CYTIP: variants seen among roughly 807,000 people sequenced by gnomAD.
The protein encoded by CYTIP is cytohesin-interacting protein.
In CYTIP, 26 loss-of-function variants were observed where a neutral mutation model predicts 43.8. The ratio of observed to expected loss-of-function variants is 0.59; its 90% CI spans 0.44 to 0.82. The LOEUF (loss-of-function observed/expected upper bound fraction) is 0.82. CYTIP is among the 40% of genes least tolerant of loss of function. The pLI is 0.00. For missense variants in CYTIP, 426 were observed against 443.1 expected (o/e 0.96, Z 0.35); for synonymous variants, 162 against 162.9 (o/e 0.99, Z 0.04).
intron 7 of CYTIP, 63 bp from the exon 8 acceptor site, chr2:157,416,206 C>T: frequency 7.7e-7 from 1 of 1,304,322 alleles, no homozygotes; most frequent in Admixed American, 2.4e-5. Context: ...AAATACACTA[C>T]ATCAAAACTT....
At chr2:157,441,887 T>G (rs1371884426) in intron 1 of CYTIP, among the ~76,000 whole-genome samples, 1 of 152,212 alleles carries the variant, frequency 6.6e-6, no homozygotes, top group Non-Finnish European at 1.5e-5. Context: ...ACTACATTTC[T>G]ACAATAAGGT....
In CYTIP at chr2:157,414,903, A is replaced by G. The variant is rs1033072888; in HGVS notation, c.*774T>C. The G allele has an allele frequency of 1.3e-5, 2 of 152,216 alleles. No homozygotes were observed. The highest frequency in any genetic ancestry group is 2.4e-5 in the African/African-American group (1 of 41,458). 9.4% of individuals were successfully genotyped at this position (152,216 alleles called of 1,614,324 possible). On this transcript the variant is annotated 3_prime_UTR_variant, in exon 8 of 8. Coordinates refer to ENST00000264192, the MANE Select transcript of CYTIP (RefSeq NM_004288.5). Reference sequence around the variant, plus strand: ...CAACCCTCAGTTTTGGATGTTAGACATTTGTAGAAAAAAAATTACAAAGCT... The same window carrying G: ...CAACCCTCAGTTTTGGATGTTAGACGTTTGTAGAAAAAAAATTACAAAGCT...
chr2:157,424,950 A>T (rs1418717476), intron 6 of CYTIP, among the ~76,000 whole-genome samples: 1 of 152,130 alleles, frequency 6.6e-6, no homozygotes, highest in African/African-American at 2.4e-5. Context: ...GGAAAGGGGG[A>T]CTACAAAATA....
At chr2:157,426,978 A>G (rs1206998671) in intron 6 of CYTIP, among the ~76,000 whole-genome samples, 1 of 152,208 alleles carries the variant, frequency 6.6e-6, no homozygotes, top group African/African-American at 2.4e-5. Context: ...GAGGACACGG[A>G]AAAAGTGAAA....
intron 1 of CYTIP, chr2:157,439,312 A>T (rs1419026847): frequency 6.6e-6 from 1 of 152,406 alleles, no homozygotes; most frequent in Non-Finnish European, 1.5e-5. Flanking sequence ...TCTTGACACA[A>T]AGCCTGCTTG....
At chr2:157,425,512 A>G (rs764313955) in intron 6 of CYTIP, among the ~76,000 whole-genome samples, 1 of 152,162 alleles carries the variant, frequency 6.6e-6, no homozygotes, top group Non-Finnish European at 1.5e-5. Context: ...TAAACATTGT[A>G]TGGTGCTCAT....
At chr2:157,434,769 T>C (rs1294095006) in intron 1 of CYTIP, 22 bp from the exon 2 acceptor site, 15 of 1,599,676 alleles carry the variant, frequency 9.4e-6, no homozygotes, top group Non-Finnish European at 1.3e-5. Flanking sequence ...AAAAGACATA[T>C]AGTTATCCCA....
intron 1 of CYTIP, among the ~76,000 whole-genome samples, chr2:157,440,059 A>G (rs1469946848): frequency 6.6e-6 from 1 of 152,132 alleles, no homozygotes; most frequent in Admixed American, 6.5e-5. Context: ...CCCACTCTAT[A>G]TACTCATCTC....
rs1685414012 is a variant in CYTIP, at chr2:157,414,839, A to T, written c.*838T>A. ...TTAGAATATAAGATATAAAGTGAGAAGTAATATGAAAAAAACTACAGGAGG... is the reference window on the plus strand; with the variant it reads ...TTAGAATATAAGATATAAAGTGAGATGTAATATGAAAAAAACTACAGGAGG... On this transcript the variant is annotated 3_prime_UTR_variant, in exon 8 of 8. Transcript: ENST00000264192. 6.6e-6 allele frequency: 1 copy of T among 152,212 alleles called. No individual in the cohort carries two copies. The highest frequency in any genetic ancestry group is 1.5e-5 in the Non-Finnish European group (1 of 68,032). 9.4% of individuals were successfully genotyped at this position (152,212 alleles called of 1,614,324 possible).
intron 3 of CYTIP, 52 bp downstream of exon 3, chr2:157,434,318 T>A: frequency 7.3e-7 from 1 of 1,367,476 alleles, no homozygotes; most frequent in Non-Finnish European, 1.0e-6. Context: ...AACATGACAC[T>A]ACCGGTGCCA....
At position 157,427,337 on chromosome 2, in the gene CYTIP, T is replaced by C. The variant is rs776484414; in HGVS notation, c.546+14A>G. The C allele has an allele frequency of 8.8e-6, 14 of 1,599,282 alleles. No individual in the cohort carries two copies. The highest frequency in any genetic ancestry group is 1.2e-5 in the Non-Finnish European group (14 of 1,173,684). ...AGGATGAAAAATGTGCCTCACTGCATTAAATTAAATTACCTTTAAAACCTG... is the reference window on the plus strand; with the variant it reads ...AGGATGAAAAATGTGCCTCACTGCACTAAATTAAATTACCTTTAAAACCTG... On this transcript the variant is annotated intron_variant, in intron 6 of 7. Coordinates refer to ENST00000264192, the MANE Select transcript of CYTIP (RefSeq NM_004288.5).
chr2:157,415,808 A>G lies in CYTIP; in HGVS notation c.949T>C (p.Trp317Arg). Residue 317 changes from tryptophan (W) to arginine (R), a missense_variant, in exon 8 of 8, where the codon TGG (tryptophan) becomes CGG (arginine). Transcript: ENST00000264192. ...NTSSGSMSPLWEGNLSSMFGT... is the reference protein window; with the variant it reads ...NTSSGSMSPLREGNLSSMFGT... ...AACATGCTTGATAAGTTGCCCTCCC[A>G]CAAGGGAGACATGGATCCGCTGCTG... 6.2e-7 allele frequency: 1 copy of G among 1,614,172 alleles called. No homozygotes were observed. The highest frequency in any genetic ancestry group is 8.5e-7 in the Non-Finnish European group (1 of 1,180,016).
chr2:157,438,147 G>T (rs1299386022), intron 1 of CYTIP, among the ~76,000 whole-genome samples: 3 of 152,128 alleles, frequency 2.0e-5, no homozygotes, highest in Non-Finnish European at 4.4e-5. Flanking sequence ...CAGATGAATG[G>T]ATAAAGAAAA....
chr2:157,434,618 G>GA, intron 2 of CYTIP, 80 bp downstream of exon 2: 2 of 1,001,990 alleles, frequency 2.0e-6, no homozygotes, highest in South Asian at 1.4e-5. Context: ...AGAGAGAGAG[G>GA]AAGAGAGAGG....
intron 7 of CYTIP, among the ~76,000 whole-genome samples, chr2:157,417,435 T>G (rs774883025): frequency 2.0e-5 from 3 of 152,202 alleles, no homozygotes; most frequent in Non-Finnish European, 4.4e-5. Flanking sequence ...CAAGGCTGTT[T>G]CTATAGAACA....
At position 157,415,332 on chromosome 2, in the gene CYTIP, T is replaced by A. The variant is rs565565609; in HGVS notation, c.*345A>T. ...ATTATTATATTCTGCCACACCTTTATTCATACTTGACTCCAAAAAGTTCTC... is the reference window on the plus strand; with the variant it reads ...ATTATTATATTCTGCCACACCTTTAATCATACTTGACTCCAAAAAGTTCTC... On this transcript the variant is annotated 3_prime_UTR_variant, in exon 8 of 8. Coordinates refer to ENST00000264192, the MANE Select transcript of CYTIP (RefSeq NM_004288.5). The A allele has an allele frequency of 4.2e-4, 87 of 206,320 alleles. 2 individuals carry two copies. In the Middle Eastern group the frequency reaches 8.8e-3, roughly 21 times the overall value. The allele number at this position is 206,320 out of a possible 1,614,324, so 12.8% of individuals were successfully genotyped here. A position where few individuals can be genotyped will look rare whatever the true frequency, so the allele number is the denominator to read the frequency against.
chr2:157,427,876 C>T (rs1336979252), intron 5 of CYTIP, among the ~76,000 whole-genome samples: 4 of 152,294 alleles, frequency 2.6e-5, no homozygotes, highest in Non-Finnish European at 5.9e-5. Context: ...CTTTCACAAC[C>T]ATGGAATTAA....
intron 1 of CYTIP, 98 bp from the exon 2 acceptor site, chr2:157,434,845 TCTCTCACA>T (rs1182840338): frequency 2.4e-4 from 63 of 263,726 alleles, no homozygotes; most frequent in African/African-American, 1.2e-3. Flanking sequence ...TCTCTCTCTC[TCTCTCACA>T]CACACACACA....
chr2:157,419,616 T>C (rs970342541), intron 6 of CYTIP, among the ~76,000 whole-genome samples: 4 of 152,174 alleles, frequency 2.6e-5, no homozygotes, highest in Non-Finnish European at 5.9e-5. Context: ...TCCCCTTCCT[T>C]TGCAAATTCA....
Sources: gnomAD v4.1 joint callset for allele counts (sites outside exome capture counted in the v4.1 genomes callset) on GRCh38, gnomAD v4.1.1 for gene constraint, MANE v1.5 for transcripts, NCBI Gene and HGNC (gene_info 2026-07-23, HGNC 2026-07-21) for gene names.